IQUB: variants seen among roughly 807,000 people sequenced by gnomAD.
IQUB encodes IQ motif and ubiquitin domain containing, also known as IQ motif and ubiquitin-like domain-containing protein.
In IQUB, 86 loss-of-function variants were observed where a neutral mutation model predicts 86.4. The observed-to-expected ratio is 1.00, with a 90% CI of 0.84 to 1.19. The LOEUF (loss-of-function observed/expected upper bound fraction) is 1.19. Among genes scored for constraint, IQUB ranks in the 50% most tolerant of loss-of-function variants. The probability of loss-of-function intolerance (pLI) is 0.00; values close to 1 mark genes in which losing one functional copy is unlikely to be tolerated. For synonymous variants in IQUB, 289 were observed against 304.5 expected (o/e 0.95, Z 0.53); for missense variants, 946 against 916.9 (o/e 1.03, Z -0.41).
Position 123,512,062 on chromosome 7 carries a change from T to C in IQUB, c.279A>G (p.Gln93=). The change falls in exon 2 of 13, where the codon CAA becomes CAG. Residue 93 remains glutamine (Q), a synonymous_variant. Coordinates refer to ENST00000324698, the MANE Select transcript of IQUB (RefSeq NM_178827.5). ...ISPRQVSYTP[Q]HHEKQYAMQR... ...GCATTGCATATTGCTTTTCATGATG[T>C]TGCGGAGTATATGAAACTTGTCTTG... The C allele has an allele frequency of 6.2e-7, 1 of 1,614,070 alleles. No individual in the cohort carries two copies. The highest frequency in any genetic ancestry group is 8.5e-7 in the Non-Finnish European group (1 of 1,179,940).
Position 123,496,814 on chromosome 7 carries a change from T to A in IQUB, c.1116A>T (p.Glu372Asp), listed in dbSNP as rs1795726148. 5.6e-6 allele frequency: 9 copies of A among 1,612,842 alleles called. No homozygotes were observed. The highest frequency in any genetic ancestry group is 7.6e-6 in the Non-Finnish European group (9 of 1,179,278). Residue 372 changes from glutamate to aspartate, a missense_variant, in exon 7 of 13, where the codon GAA becomes GAT. By Grantham distance (45) the Glu-to-Asp change is conservative. Transcript: ENST00000324698. Reference sequence around the variant, plus strand: ...TTATCTTCCTTAGTTCTTGCTGTGTTTCCCATTCCAGTCTTAAGCTTTTCT... The same window carrying A: ...TTATCTTCCTTAGTTCTTGCTGTGTATCCCATTCCAGTCTTAAGCTTTTCT... Reference protein sequence around the residue: ...RRQKSLRLEWETQQELRKIRE... With the variant: ...RRQKSLRLEWDTQQELRKIRE...
chr7:123,490,016 G>A (rs1035566902), intron 7 of IQUB, among the ~76,000 whole-genome samples: 3 of 151,688 alleles, frequency 2.0e-5, no homozygotes, highest in African/African-American at 7.2e-5. Context: ...AAAACAAACA[G>A]TGAAAGATGA....
chr7:123,482,287 T>TA (rs1001457613), intron 7 of IQUB, among the ~76,000 whole-genome samples: 5 of 151,848 alleles, frequency 3.3e-5, no homozygotes, highest in African/African-American at 9.6e-5. Context: ...CAGAGCCAAG[T>TA]AAAAAAAATT....
intron 1 of IQUB, among the ~76,000 whole-genome samples, chr7:123,529,943 G>T (rs143973417): frequency 6.6e-6 from 1 of 152,106 alleles, no homozygotes. Context: ...TGAGGCAGGA[G>T]AATTGCTTGA....
chr7:123,481,409 C>T (rs190514190), intron 7 of IQUB, among the ~76,000 whole-genome samples: 1 of 152,182 alleles, frequency 6.6e-6, no homozygotes, highest in East Asian at 1.9e-4. Context: ...TCTATACAAA[C>T]TGCTACCTCC....
rs994861815 is a variant in IQUB at position 123,452,924 on chromosome 7, C to A, written c.2195G>T (p.Gly732Val). Residue 732 changes from glycine to valine, a missense_variant and splice_region_variant, in exon 13 of 13, where the codon GGA (glycine) becomes GTA (valine). Coordinates refer to ENST00000324698, the MANE Select transcript of IQUB (RefSeq NM_178827.5). The part of the protein sequence containing the change: ...AHLKLTSIEE[G>V]YERSFIHKIK... ...CTTGTGAATAAATGAGCGTTCATAT[C>A]CCTGCAAAGAAAAAAATCAAATTCT... 3.1e-6 allele frequency: 5 copies of A among 1,601,724 alleles called. No individual in the cohort carries two copies. Among genetic ancestry groups the A allele is most frequent in the African/African-American group, 1.3e-5 (1 of 74,230 alleles).
At chr7:123,498,414 AG>A (rs1182830862) in intron 6 of IQUB, among the ~76,000 whole-genome samples, 8 of 152,212 alleles carry the variant, frequency 5.3e-5, no homozygotes, top group African/African-American at 1.9e-4. Context: ...ATTTTCACAG[AG>A]AAAGGAAAGG....
intron 1 of IQUB, among the ~76,000 whole-genome samples, chr7:123,527,041 C>CT (rs1797253382): frequency 6.6e-6 from 1 of 152,146 alleles, no homozygotes; most frequent in Non-Finnish European, 1.5e-5. Flanking sequence ...TTTCTTCTGG[C>CT]TTGTAGCCTT....
At chr7:123,491,859 A>G (rs78892859) in intron 7 of IQUB, among the ~76,000 whole-genome samples, 1 of 152,100 alleles carries the variant, frequency 6.6e-6, no homozygotes, top group Non-Finnish European at 1.5e-5. Context: ...CATAACAAGG[A>G]AAAAAAAGTC....
In IQUB at chr7:123,512,281, A is replaced by T. The variant is rs760897072; in HGVS notation, c.60T>A (p.Ser20Arg). 3 of 1,610,324 alleles carry T rather than the reference A, an allele frequency of 1.9e-6. No homozygotes were observed. In the Admixed American group the frequency reaches 5.0e-5, roughly 27 times the overall value. Residue 20 changes from serine (S) to arginine (R), a missense_variant, in exon 2 of 13, where the codon AGT becomes AGA. Ser to Arg is a moderately radical substitution (Grantham distance 110, BLOSUM62 -1). Coordinates refer to ENST00000324698, the MANE Select transcript of IQUB (RefSeq NM_178827.5). ...AQNIVNSTEESDDAFDTVTIP... is the reference protein window; with the variant it reads ...AQNIVNSTEERDDAFDTVTIP... ...TAGTGACAGTATCAAAAGCATCATC[A>T]CTCTCTTCTGTTGAATTGACTATAT...
chr7:123,502,890 A>G, intron 5 of IQUB, 54 bp downstream of exon 5: 3 of 1,466,160 alleles, frequency 2.0e-6, no homozygotes, highest in Non-Finnish European at 2.8e-6. Flanking sequence ...GTCATACAGT[A>G]CAATTATTGA....
chr7:123,512,336 G>A lies in IQUB; in HGVS notation c.5C>T (p.Ser2Phe). Residue 2 changes from serine (S) to phenylalanine (F), a missense_variant, in exon 2 of 13, where the codon TCT (serine) becomes TTT (phenylalanine). Transcript: ENST00000324698. M[S>F]NQQEKYEAQN... The stretch of plus-strand genomic sequence containing the variant: ...AGCTTCATACTTCTCCTGTTGATTA[G>A]ACATTTTCCTGAATTAAGAAAAATA... 3 of 1,540,494 alleles carry A rather than the reference G, an allele frequency of 1.9e-6. No homozygotes were observed. The highest frequency in any genetic ancestry group is 2.6e-6 in the Non-Finnish European group (3 of 1,137,030).
chr7:123,457,239 A>C, intron 12 of IQUB, 142 bp downstream of exon 12: 1 of 1,417,970 alleles, frequency 7.1e-7, no homozygotes, highest in Non-Finnish European at 9.2e-7. Flanking sequence ...CCATCCATAA[A>C]TTTTTTTGTT....
At chr7:123,481,054 T>C (rs1794981255) in intron 7 of IQUB, among the ~76,000 whole-genome samples, 1 of 152,126 alleles carries the variant, frequency 6.6e-6, no homozygotes, top group Admixed American at 6.6e-5. Flanking sequence ...AACAAAAGAA[T>C]AGGGTTGGAA....
chr7:123,533,834 T>C (rs899747189), intron 1 of IQUB, among the ~76,000 whole-genome samples: 1 of 151,812 alleles, frequency 6.6e-6, no homozygotes, highest in African/African-American at 2.4e-5. Flanking sequence ...ATTCGAACTA[T>C]TTTTTTATGT....
At position 123,521,530 on chromosome 7, in the gene IQUB, C is replaced by T. The variant is rs186475094; in HGVS notation, c.-4-9186G>A. On this transcript the variant is annotated intron_variant, in intron 1 of 12. Transcript: ENST00000324698. ...TGTATTGTGGCACGCACCTGCAATTCTAATTACTCAGGAGGCTGAGGTTGG... is the reference window on the plus strand; with the variant it reads ...TGTATTGTGGCACGCACCTGCAATTTTAATTACTCAGGAGGCTGAGGTTGG... Among the ~76,000 whole-genome samples, 338 of 152,162 alleles carry T rather than the reference C, an allele frequency of 2.2e-3. 1 individual carries two copies. The highest frequency in any genetic ancestry group is 1.0e-3 in the Non-Finnish European group (69 of 68,010).
chr7:123,469,168 T>TA (rs765698354), intron 9 of IQUB, 46 bp downstream of exon 9: 96 of 1,259,834 alleles, frequency 7.6e-5, no homozygotes, highest in Non-Finnish European at 5.4e-5. Context: ...AATTTTTTTT[T>TA]ATTGACAGTG....
chr7:123,524,135 T>C (rs1407793593), intron 1 of IQUB, among the ~76,000 whole-genome samples: 7 of 147,554 alleles, frequency 4.7e-5, no homozygotes, highest in Admixed American at 1.4e-4. Flanking sequence ...AGTCAGGTAG[T>C]GTGATGCCTC....
chr7:123,458,533 T>C (rs1488523707), intron 11 of IQUB, among the ~76,000 whole-genome samples: 1 of 152,028 alleles, frequency 6.6e-6, no homozygotes, highest in Admixed American at 6.6e-5. Flanking sequence ...GACAATACTC[T>C]GTACACAGCT....
Sources: allele counts gnomAD v4.1 joint callset (sites outside exome capture counted in the v4.1 genomes callset), GRCh38; gene constraint gnomAD v4.1.1; transcripts MANE v1.5; gene names NCBI Gene and HGNC (gene_info 2026-07-23, HGNC 2026-07-21).